Variants in CEP85L observed in about 807,000 individuals in gnomAD.
CEP85L encodes centrosomal protein of 85 kDa-like.
A neutral mutation model predicts 100.3 loss-of-function variants in CEP85L; 60 were observed. That is an observed-to-expected ratio of 0.60 (90% confidence interval 0.49 to 0.74). The LOEUF is 0.74. CEP85L is among the 30% of genes least tolerant of loss of function. CEP85L has a pLI of 0.00. For synonymous variants in CEP85L, 319 were observed against 322.7 expected (o/e 0.99, Z 0.12); for missense variants, 973 against 936.2 (o/e 1.04, Z -0.51).
Position 118,579,880 on chromosome 6 carries a change from T to C in CEP85L, c.233-13564A>G, listed in dbSNP as rs372227701. 8.6e-4 allele frequency among the ~76,000 whole-genome samples: 131 copies of C among 152,324 alleles called. 4 individuals carry two copies. In the South Asian group the frequency reaches 0.025, roughly 29 times the overall value. On this transcript the variant is annotated intron_variant, in intron 2 of 12. Transcript: ENST00000368491. ...TATGCAAATGCCAGCCATTAGAAAC[T>C]GGGTCCACTCAATATGGCAATTCCC...
intron 3 of CEP85L, among the ~76,000 whole-genome samples, chr6:118,535,013 T>C (rs1777507769): frequency 6.6e-6 from 1 of 152,050 alleles, no homozygotes; most frequent in Non-Finnish European, 1.5e-5. Flanking sequence ...TGGGCGACAG[T>C]ACAGACTGTT....
chr6:118,673,668 C>T (rs1354615645), intron 1 of CEP85L, among the ~76,000 whole-genome samples: 1 of 152,190 alleles, frequency 6.6e-6, no homozygotes, highest in African/African-American at 2.4e-5. Flanking sequence ...TTGAAATTTC[C>T]TTTCTCCCAT....
rs888106002 is a variant in CEP85L at position 118,651,500 on chromosome 6, G to C, written c.-231C>G. On this transcript the variant is annotated 5_prime_UTR_variant, in exon 1 of 13. Coordinates refer to ENST00000368491, the MANE Select transcript of CEP85L (RefSeq NM_001042475.3). The stretch of plus-strand genomic sequence containing the variant: ...AGCCGGCTGGGCTGAGGCCCGCGCC[G>C]GGGAAGCGGCGACTCGGCGGTGACG... 10 of 1,269,040 alleles carry C rather than the reference G, an allele frequency of 7.9e-6. No individual in the cohort carries two copies. Among genetic ancestry groups the C allele is most frequent in the Middle Eastern group, 3.0e-4 (1 of 3,344 alleles). The allele number at this position is 1,269,040 out of a possible 1,614,324, so 78.6% of individuals were successfully genotyped here.
intron 3 of CEP85L, among the ~76,000 whole-genome samples, chr6:118,532,771 G>A (rs931655500): frequency 6.6e-6 from 1 of 152,056 alleles, no homozygotes; most frequent in African/African-American, 2.4e-5. Context: ...AACAGTAGAA[G>A]AAGAAAAATT....
intron 3 of CEP85L, among the ~76,000 whole-genome samples, chr6:118,535,534 T>C (rs192410756): frequency 2.8e-4 from 42 of 152,274 alleles, no homozygotes; most frequent in Admixed American, 3.9e-4. Flanking sequence ...AATGGAAAAT[T>C]CTAGAAATAA....
chr6:118,569,255 T>C (rs1779728678), intron 2 of CEP85L, among the ~76,000 whole-genome samples: 1 of 140,510 alleles, frequency 7.1e-6, no homozygotes, highest in Non-Finnish European at 1.5e-5. Context: ...GGCAGGAGAA[T>C]GGCTTGAACC....
chr6:118,569,427 T>C (rs1779752791), intron 2 of CEP85L, among the ~76,000 whole-genome samples: 1 of 149,616 alleles, frequency 6.7e-6, no homozygotes, highest in Non-Finnish European at 1.5e-5. Context: ...AACCTGCACG[T>C]TGTGCATATG....
intron 2 of CEP85L, among the ~76,000 whole-genome samples, chr6:118,583,960 C>T (rs1329843264): frequency 6.6e-6 from 1 of 152,178 alleles, no homozygotes; most frequent in African/African-American, 2.4e-5. Flanking sequence ...TTCTGTACAC[C>T]GTTACATCCT....
chr6:118,696,681 T>TTG lies in CEP85L; in HGVS notation c.-28+13354_-28+13355insCA, dbSNP rs1554247240. ...GGTTTACTAAACCTCCACAGAGTTTTTTGTTGTTGTTGTTGTTGTTGTTAG... is the reference window on the plus strand; with the variant it reads ...GGTTTACTAAACCTCCACAGAGTTTTTGTTGTTGTTGTTGTTGTTGTTGTTAG... On this transcript the variant is annotated intron_variant, in intron 1 of 13. Transcript: ENST00000368488. 4.9e-3 allele frequency among the ~76,000 whole-genome samples: 735 copies of TTG among 151,164 alleles called. 9 individuals carry two copies. The highest frequency in any genetic ancestry group is 0.013 in the African/African-American group (528 of 41,228).
chr6:118,542,130 G>C (rs1777929988), intron 3 of CEP85L, among the ~76,000 whole-genome samples: 1 of 151,998 alleles, frequency 6.6e-6, no homozygotes. Flanking sequence ...TATTCAATAA[G>C]AAAATTCACA....
intron 3 of CEP85L, among the ~76,000 whole-genome samples, chr6:118,537,005 T>C (rs537449396): frequency 6.6e-6 from 1 of 152,244 alleles, no homozygotes; most frequent in African/African-American, 2.4e-5. Context: ...TAGTAAAATA[T>C]ACATCTTGAC....
intron 1 of CEP85L, among the ~76,000 whole-genome samples, chr6:118,701,325 T>C (rs545826191): frequency 2.0e-5 from 3 of 152,318 alleles, no homozygotes; most frequent in African/African-American, 7.2e-5. Context: ...CATGCACTCA[T>C]ATGTTCACCA....
intron 3 of CEP85L, among the ~76,000 whole-genome samples, chr6:118,538,616 T>C (rs1343469951): frequency 6.6e-6 from 1 of 151,974 alleles, no homozygotes; most frequent in Non-Finnish European, 1.5e-5. Context: ...AAATGAGCCA[T>C]GCATGCAACA....
At chr6:118,667,849 CTA>C (rs1173628836) in intron 1 of CEP85L, among the ~76,000 whole-genome samples, 3 of 152,154 alleles carry the variant, frequency 2.0e-5, no homozygotes, top group African/African-American at 7.2e-5. Context: ...TCTGGGTGAA[CTA>C]TGTCTTTGTA....
chr6:118,557,085 T>C (rs1334318587), intron 3 of CEP85L, among the ~76,000 whole-genome samples: 1 of 152,192 alleles, frequency 6.6e-6, no homozygotes, highest in East Asian at 1.9e-4. Flanking sequence ...AGCTTGACAG[T>C]CTTCAGTACT....
intron 1 of CEP85L, among the ~76,000 whole-genome samples, chr6:118,673,947 G>T (rs1417423990): frequency 2.6e-5 from 4 of 152,172 alleles, no homozygotes; most frequent in Non-Finnish European, 5.9e-5. Context: ...CTAGAAAGAT[G>T]CTGAGTTACC....
At chr6:118,700,623 T>C (rs1777375446) in intron 1 of CEP85L, among the ~76,000 whole-genome samples, 1 of 152,232 alleles carries the variant, frequency 6.6e-6, no homozygotes, top group South Asian at 2.1e-4. Context: ...GCTTTGCAGT[T>C]GAACTCCTGA....
At chr6:118,517,940 T>G (rs941713013) in intron 4 of CEP85L, among the ~76,000 whole-genome samples, 2 of 152,356 alleles carry the variant, frequency 1.3e-5, no homozygotes, top group East Asian at 3.9e-4. Flanking sequence ...GTTTTTAGCA[T>G]GAAGGGGTGT....
At chr6:118,480,311 CAT>C (rs1773683290) in intron 9 of CEP85L, 83 bp downstream of exon 9, 1 of 660,086 alleles carries the variant, frequency 1.5e-6, no homozygotes, top group Non-Finnish European at 2.5e-6. Flanking sequence ...ATATAAATCA[CAT>C]AAAATAGCTA....
Sources: gnomAD v4.1 joint callset for allele counts (sites outside exome capture counted in the v4.1 genomes callset) on GRCh38, gnomAD v4.1.1 for gene constraint, MANE v1.5 for transcripts, NCBI Gene and HGNC (gene_info 2026-07-23, HGNC 2026-07-21) for gene names.